The following COBL variants were observed in gnomAD, a reference collection of about 807,000 sequenced individuals.
COBL encodes cordon-bleu WH2 repeat protein.
In COBL, 51 loss-of-function variants were observed where a neutral mutation model predicts 98.8. The ratio of observed to expected loss-of-function variants is 0.52; its 90% CI spans 0.41 to 0.65. The LOEUF is 0.65. Among genes scored for constraint, COBL ranks in the 30% least tolerant of loss-of-function variants. COBL has a pLI of 0.00. For synonymous variants in COBL, 634 were observed against 651.7 expected (o/e 0.97, Z 0.41); for missense variants, 1,617 against 1,617.5 (o/e 1.00, Z 0.01).
intron 2 of COBL, among the ~76,000 whole-genome samples, chr7:51,207,349 T>C (rs1448474706): frequency 2.0e-5 from 3 of 152,166 alleles, no homozygotes; most frequent in South Asian, 2.1e-4. Flanking sequence ...ACTAGGTCAA[T>C]TGGAAGACTC....
intron 5 of COBL, among the ~76,000 whole-genome samples, chr7:51,173,016 T>C (rs1012948744): frequency 6.6e-6 from 1 of 152,092 alleles, no homozygotes; most frequent in Non-Finnish European, 1.5e-5. Context: ...CTCGAACTCC[T>C]GACCTTGGGT....
intron 5 of COBL, among the ~76,000 whole-genome samples, chr7:51,153,950 A>G (rs961944253): frequency 6.6e-6 from 1 of 152,224 alleles, no homozygotes; most frequent in African/African-American, 2.4e-5. Context: ...ACTGGCCTGT[A>G]GAGACCTCAC....
chr7:51,226,508 C>T (rs577201086), intron 1 of COBL, among the ~76,000 whole-genome samples: 2 of 140,100 alleles, frequency 1.4e-5, no homozygotes, highest in African/African-American at 3.0e-5. Context: ...GGAAGGAATT[C>T]GGTCACCACT....
chr7:51,146,851 C>T (rs1324301959), intron 5 of COBL, among the ~76,000 whole-genome samples: 1 of 152,154 alleles, frequency 6.6e-6, no homozygotes. Context: ...AAACCCAAGA[C>T]CTACAAAAGT....
chr7:51,272,343 C>T lies in COBL; in HGVS notation c.41+44250G>A, dbSNP rs1229055423. Among the ~76,000 whole-genome samples, 5 of 152,218 alleles carry T rather than the reference C, an allele frequency of 3.3e-5. No homozygotes were observed. In the South Asian group the frequency reaches 8.3e-4, roughly 25 times the overall value. ...CATTGAGCTTGGGTTTTAATAACTT[C>T]GCAAGGTCTCACAATTCATAGTGTA... On this transcript the variant is annotated intron_variant, in intron 1 of 12. Coordinates refer to ENST00000265136, the MANE Select transcript of COBL (RefSeq NM_015198.5).
At chr7:51,098,005 C>T (rs999795277) in intron 6 of COBL, among the ~76,000 whole-genome samples, 3 of 117,180 alleles carry the variant, frequency 2.6e-5, no homozygotes, top group African/African-American at 3.5e-5. Flanking sequence ...GCCTGGACAA[C>T]AGAGCGAGAC....
chr7:51,090,379 AACTGTG>A (rs1562897695), intron 6 of COBL, among the ~76,000 whole-genome samples: 1 of 152,242 alleles, frequency 6.6e-6, no homozygotes, highest in Non-Finnish European at 1.5e-5. Context: ...ATTTCACCTC[AACTGTG>A]ACAGCCCTTC....
intron 5 of COBL, among the ~76,000 whole-genome samples, chr7:51,169,990 T>C (rs1387470164): frequency 1.3e-5 from 2 of 152,140 alleles, no homozygotes; most frequent in African/African-American, 4.8e-5. Context: ...CAATTAAAAA[T>C]GGATTAAAAA....
At chr7:51,228,787 G>T (rs1467079109) in intron 1 of COBL, among the ~76,000 whole-genome samples, 2 of 152,134 alleles carry the variant, frequency 1.3e-5, no homozygotes, top group African/African-American at 4.8e-5. Flanking sequence ...GAGCCTGTCG[G>T]TGAGGATCAC....
rs558274302 is a variant in COBL at position 51,209,896 on chromosome 7, T to C, written c.245+9845A>G. ...GAATGCAACTACTGTGATCCTCTGT[T>C]CTTTTAGTCCAATAACTGGTGACAG... is the stretch of plus-strand genomic sequence containing the variant. On this transcript the variant is annotated intron_variant, in intron 2 of 12. Coordinates refer to ENST00000265136, the MANE Select transcript of COBL (RefSeq NM_015198.5). Among the ~76,000 whole-genome samples, 5 of 152,294 alleles carry C rather than the reference T, an allele frequency of 3.3e-5. No individual in the cohort carries two copies. The South Asian group carries it at 1.0e-3, about 32-fold the overall frequency.
intron 1 of COBL, among the ~76,000 whole-genome samples, chr7:51,239,566 G>A (rs1795580382): frequency 6.6e-6 from 1 of 152,184 alleles, no homozygotes; most frequent in Admixed American, 6.5e-5. Context: ...CTCTGCCTAT[G>A]GAGTAGCCAT....
chr7:51,087,396 C>CT, intron 6 of COBL, among the ~76,000 whole-genome samples: 1 of 152,172 alleles, frequency 6.6e-6, no homozygotes, highest in East Asian at 1.9e-4. Flanking sequence ...TGTTTTCTAG[C>CT]TTTTTTCTTT....
At chr7:51,114,365 C>T (rs1797096733) in intron 6 of COBL, among the ~76,000 whole-genome samples, 1 of 119,246 alleles carries the variant, frequency 8.4e-6, no homozygotes, top group Non-Finnish European at 1.8e-5. Context: ...TTCTTACGTA[C>T]TCCAGAAAAA....
At chr7:51,115,359 C>G (rs1049790850) in intron 6 of COBL, among the ~76,000 whole-genome samples, 21 of 151,918 alleles carry the variant, frequency 1.4e-4, no homozygotes, top group Non-Finnish European at 2.5e-4. Context: ...AAGATGGAAT[C>G]TTAAGTCTTT....
intron 7 of COBL, among the ~76,000 whole-genome samples, chr7:51,081,654 T>A (rs1793678210): frequency 1.3e-5 from 2 of 152,190 alleles, no homozygotes; most frequent in Non-Finnish European, 2.9e-5. Flanking sequence ...AGCTCTCCCA[T>A]CCTGTGCAGG....
chr7:51,284,215 G>A (rs1800088526), intron 1 of COBL, among the ~76,000 whole-genome samples: 2 of 150,304 alleles, frequency 1.3e-5, no homozygotes, highest in African/African-American at 4.9e-5. Context: ...GCAGGAGAAT[G>A]GTGTGAACCT....
chr7:51,139,279 C>T (rs780184224), intron 5 of COBL, among the ~76,000 whole-genome samples: 1 of 152,170 alleles, frequency 6.6e-6, no homozygotes, highest in Non-Finnish European at 1.5e-5. Flanking sequence ...TATGTGGTTT[C>T]CTTCTTCTCT....
chr7:51,214,666 G>A (rs1792852024), intron 2 of COBL, among the ~76,000 whole-genome samples: 1 of 152,128 alleles, frequency 6.6e-6, no homozygotes, highest in Non-Finnish European at 1.5e-5. Flanking sequence ...TACCCTGGGG[G>A]CCCCTGACAT....
At chr7:51,275,654 ACCACCACCAGCCGCCACCAG>A (rs1799244099) in intron 1 of COBL, among the ~76,000 whole-genome samples, 1 of 151,728 alleles carries the variant, frequency 6.6e-6, no homozygotes, top group Admixed American at 6.6e-5. Flanking sequence ...GCCGCCACCA[ACCACCACCAGCCGCCACCAG>A]CCACCACCAG....
Sources: allele counts gnomAD v4.1 joint callset (sites outside exome capture counted in the v4.1 genomes callset), GRCh38; gene constraint gnomAD v4.1.1; transcripts MANE v1.5; gene names NCBI Gene and HGNC (gene_info 2026-07-23, HGNC 2026-07-21).